Variants in CDHR3 observed in about 807,000 individuals in gnomAD.
The protein encoded by CDHR3 is cadherin-related family member 3.
A neutral mutation model predicts 86.6 loss-of-function variants in CDHR3; 79 were observed. That is an observed-to-expected ratio of 0.91 (90% CI 0.76 to 1.10). The LOEUF (loss-of-function observed/expected upper bound fraction) is 1.10. Ranked by LOEUF, CDHR3 falls within the 50% of genes least tolerant of loss-of-function variation. The pLI is 0.00. For missense variants in CDHR3, 1,081 were observed against 1,077.6 expected (o/e 1.00, Z -0.04); for synonymous variants, 421 against 402.4 (o/e 1.05, Z -0.55).
chr7:105,987,682 G>A (rs1237037466), intron 4 of CDHR3, among the ~76,000 whole-genome samples: 2 of 152,126 alleles, frequency 1.3e-5, no homozygotes, highest in African/African-American at 2.4e-5. Flanking sequence ...CTTGGATATG[G>A]CCTGGGCATT....
At chr7:106,015,323 C>T (rs1246745929) in intron 10 of CDHR3, 110 bp downstream of exon 10, 2 of 896,818 alleles carry the variant, frequency 2.2e-6, no homozygotes, top group Admixed American at 5.0e-5. Context: ...ACTAGTACTG[C>T]CCTCATGCGG....
chr7:105,989,098 A>G (rs535385196), intron 4 of CDHR3, among the ~76,000 whole-genome samples: 2 of 152,308 alleles, frequency 1.3e-5, no homozygotes, highest in South Asian at 4.1e-4. Flanking sequence ...TGTGGTGGGC[A>G]TGCAGGTAGA....
intron 13 of CDHR3, among the ~76,000 whole-genome samples, chr7:106,021,614 G>T (rs557101542): frequency 1.2e-3 from 180 of 152,346 alleles, no homozygotes; most frequent in Non-Finnish European, 2.1e-3. Flanking sequence ...GCAGAGCTGT[G>T]TGTGTGTTTG....
At position 106,019,465 on chromosome 7, in the gene CDHR3, G is replaced by T. The variant is rs112269056; in HGVS notation, c.1654-908G>T. Among the ~76,000 whole-genome samples the T allele has an allele frequency of 2.6e-5, 4 of 151,360 alleles. No individual in the cohort carries two copies. In the East Asian group the frequency reaches 7.7e-4, roughly 29 times the overall value. On this transcript the variant is annotated intron_variant, in intron 12 of 18. Transcript: ENST00000317716. ...AGAGTGAACATTTCAATTTATTCCC[G>T]GGCTCAGAAATAGCTGAAATCCCAA...
chr7:106,024,467 A>C lies in CDHR3; in HGVS notation c.2163A>C (p.Ile721=), dbSNP rs749234987. Residue 721 remains isoleucine (I), a synonymous_variant, in exon 15 of 19, where the codon ATA becomes ATC. Transcript: ENST00000317716. The part of the protein sequence containing the change: ...YVPFVITLGS[I]LLLGLLVYLV... ...CGTTTGTCATCACTTTGGGCTCCAT[A>C]TTGCTTCTGGGTCTCCTCGTGTACC... The C allele has an allele frequency of 6.2e-6, 10 of 1,613,914 alleles. No individual in the cohort carries two copies. The highest frequency in any genetic ancestry group is 8.5e-6 in the Non-Finnish European group (10 of 1,179,874).
rs77043715 is a variant in CDHR3 at position 105,998,342 on chromosome 7, C to T, written c.713+1988C>T. On this transcript the variant is annotated intron_variant, in intron 6 of 18. Coordinates refer to ENST00000317716, the MANE Select transcript of CDHR3 (RefSeq NM_152750.5). ...CTTTCTATCTTTACTATTTGTTAAA[C>T]GCATGCAATTAACACAACCAAAGCA... 8.5e-5 allele frequency among the ~76,000 whole-genome samples: 13 copies of T among 152,308 alleles called. No homozygotes were observed. In the East Asian group the frequency reaches 1.9e-3, roughly 23 times the overall value.
At chr7:105,990,495 T>C (rs1286701859) in intron 4 of CDHR3, among the ~76,000 whole-genome samples, 1 of 152,108 alleles carries the variant, frequency 6.6e-6, no homozygotes, top group Non-Finnish European at 1.5e-5. Flanking sequence ...TCAGCTTCCA[T>C]TGAAAAATAT....
At chr7:106,011,562 C>T (rs923928365) in intron 8 of CDHR3, among the ~76,000 whole-genome samples, 8 of 152,004 alleles carry the variant, frequency 5.3e-5, no homozygotes, top group South Asian at 4.2e-4. Flanking sequence ...AAACTAAAAC[C>T]GAAAGGACTG....
At chr7:106,006,268 A>T (rs1431101385) in intron 8 of CDHR3, among the ~76,000 whole-genome samples, 1 of 152,196 alleles carries the variant, frequency 6.6e-6, no homozygotes, top group African/African-American at 2.4e-5. Context: ...GTGGAGACAC[A>T]GCCAAACCAT....
intron 13 of CDHR3, among the ~76,000 whole-genome samples, chr7:106,021,691 C>T (rs887056382): frequency 1.6e-4 from 24 of 152,214 alleles, no homozygotes; most frequent in African/African-American, 4.8e-4. Context: ...GAGGCACCTT[C>T]CTTTGGAGGA....
intron 6 of CDHR3, 74 bp from the exon 7 acceptor site, chr7:106,001,388 A>G (rs1464477452): frequency 6.4e-7 from 1 of 1,559,698 alleles, no homozygotes; most frequent in African/African-American, 1.4e-5. Context: ...AGCACTAACC[A>G]AAATACCAAT....
In CDHR3 at chr7:106,032,747, A is replaced by C. The variant is rs756075587; in HGVS notation, c.*50A>C. 4 of 1,534,586 alleles carry C rather than the reference A, an allele frequency of 2.6e-6. No homozygotes were observed. The highest frequency in any genetic ancestry group is 2.6e-6 in the Non-Finnish European group (3 of 1,135,346). The stretch of plus-strand genomic sequence containing the variant: ...AATCACTGAGATGCTGCCTCACCCT[A>C]AATTCTATGGGGATGGTGTGGGCAT... On this transcript the variant is annotated 3_prime_UTR_variant, in exon 19 of 19. Coordinates refer to ENST00000317716, the MANE Select transcript of CDHR3 (RefSeq NM_152750.5).
chr7:105,963,399 C>T (rs1403666391), intron 1 of CDHR3, 35 bp downstream of exon 1: 2 of 1,605,278 alleles, frequency 1.2e-6, no homozygotes, highest in Non-Finnish European at 1.7e-6. Flanking sequence ...ACCTTGCTTG[C>T]CTACTTGGTC....
rs1401626285 is a variant in CDHR3 at position 105,963,301 on chromosome 7, C to G, written c.-18C>G. On this transcript the variant is annotated 5_prime_UTR_variant, in exon 1 of 19. Transcript: ENST00000317716. ...GTGGCTAATGTGCTGGAAGCACGCACAGTTGTGACCATCAAGTATGCAGGA... is the reference window on the plus strand; with the variant it reads ...GTGGCTAATGTGCTGGAAGCACGCAGAGTTGTGACCATCAAGTATGCAGGA... The G allele has an allele frequency of 1.2e-6, 2 of 1,613,696 alleles. No individual in the cohort carries two copies. Among genetic ancestry groups the G allele is most frequent in the South Asian group, 2.2e-5 (2 of 91,062 alleles).
intron 3 of CDHR3, among the ~76,000 whole-genome samples, chr7:105,982,237 G>A (rs956198396): frequency 2.6e-5 from 4 of 152,248 alleles, no homozygotes; most frequent in Middle Eastern, 3.4e-3. Flanking sequence ...GGGAGGCCGA[G>A]GCAGGTGGAT....
chr7:105,971,690 C>G (rs2115622122), intron 1 of CDHR3, among the ~76,000 whole-genome samples: 1 of 152,268 alleles, frequency 6.6e-6, no homozygotes, highest in African/African-American at 2.4e-5. Flanking sequence ...CATGGCTTCT[C>G]TACAGTCCCC....
In CDHR3 at chr7:106,013,011, G is replaced by C. The variant is rs545577615; in HGVS notation, c.1204G>C (p.Ala402Pro). The change falls in exon 9 of 19, where the codon GCT becomes CCT. Residue 402 changes from alanine to proline, a missense_variant. Ala to Pro is a conservative substitution (Grantham distance 27). Transcript: ENST00000317716. ...CGGCAGCAGATTTTTACAGGATCCA[G>C]CTGGCTCTGGGAAGATTGTGGTCAG... is the stretch of plus-strand genomic sequence containing the variant. The part of the protein sequence containing the change: ...GSGSRFLQDP[A>P]GSGKIVLIGD... The C allele has an allele frequency of 2.5e-6, 4 of 1,607,500 alleles. No individual in the cohort carries two copies. In the African/African-American group the frequency reaches 4.0e-5, roughly 16 times the overall value.
intron 1 of CDHR3, among the ~76,000 whole-genome samples, chr7:105,972,296 A>G (rs1337917242): frequency 6.6e-6 from 1 of 152,136 alleles, no homozygotes; most frequent in Non-Finnish European, 1.5e-5. Context: ...TGAAATGGGT[A>G]CTTATTTTAG....
chr7:106,017,626 A>G (rs559553836), intron 11 of CDHR3, among the ~76,000 whole-genome samples: 2 of 150,932 alleles, frequency 1.3e-5, no homozygotes, highest in South Asian at 4.2e-4. Flanking sequence ...TAAATTGTCT[A>G]TTACACCTCA....
Sources: allele counts gnomAD v4.1 joint callset (sites outside exome capture counted in the v4.1 genomes callset), GRCh38; gene constraint gnomAD v4.1.1; transcripts MANE v1.5; gene names NCBI Gene and HGNC (gene_info 2026-07-23, HGNC 2026-07-21).